The following MYO9A variants were observed in gnomAD, a reference collection of about 807,000 sequenced individuals.
MYO9A encodes the protein myosin IXA.
A neutral mutation model predicts 293.3 loss-of-function variants in MYO9A; 103 were observed. The observed-to-expected ratio is 0.35, with a 90% confidence interval of 0.30 to 0.41. The LOEUF (loss-of-function observed/expected upper bound fraction) is 0.41, where lower values mean the gene tolerates loss of function less well. Among genes scored for constraint, MYO9A ranks in the 10% least tolerant of loss-of-function variants. MYO9A has a pLI of 1.00. For synonymous variants in MYO9A, 1,001 were observed against 1,035.7 expected, an observed-to-expected ratio of 0.97 and a Z score of 0.64; for missense variants, 2,685 against 3,033.0, an observed-to-expected ratio of 0.89 and a Z score of 2.69.
At chr15:72,062,298 C>T (rs1566997404) in intron 1 of MYO9A, among the ~76,000 whole-genome samples, 1 of 152,292 alleles carries the variant, frequency 6.6e-6, no homozygotes, top group African/African-American at 2.4e-5. Flanking sequence ...TGCCCAGACA[C>T]CAACGAACAC....
intron 19 of MYO9A, among the ~76,000 whole-genome samples, chr15:71,913,281 C>A (rs2057913836): frequency 6.6e-6 from 1 of 151,896 alleles, no homozygotes; most frequent in South Asian, 2.1e-4. Context: ...TCAAATATTA[C>A]ATATTTAATC....
At chr15:71,850,765 C>CAAAAAAAAAAAAAAA (rs780727961) in intron 37 of MYO9A, among the ~76,000 whole-genome samples, 14 of 44,124 alleles carry the variant, frequency 3.2e-4, no homozygotes, top group African/African-American at 6.0e-4. Flanking sequence ...AACTGTGTCT[C>CAAAAAAAAAAAAAAA]AAAAAAAAAA....
chr15:72,113,790 C>T (rs2080867984), intron 1 of MYO9A, among the ~76,000 whole-genome samples: 1 of 152,118 alleles, frequency 6.6e-6, no homozygotes, highest in African/African-American at 2.4e-5. Flanking sequence ...CCTAAGTACA[C>T]AGACTTGTTA....
At chr15:71,880,283 G>A in intron 29 of MYO9A, 52 bp downstream of exon 29, 2 of 1,446,204 alleles carry the variant, frequency 1.4e-6, no homozygotes, top group Non-Finnish European at 9.7e-7. Context: ...ATATACACAA[G>A]TATTCCATAC....
At chr15:72,039,309 A>C (rs2149552994) in intron 2 of MYO9A, among the ~76,000 whole-genome samples, 1 of 152,286 alleles carries the variant, frequency 6.6e-6, no homozygotes, top group South Asian at 2.1e-4. Flanking sequence ...AAGTTCACTG[A>C]TTTGAAGTTC....
At chr15:71,881,741 T>C (rs1437857727) in intron 28 of MYO9A, among the ~76,000 whole-genome samples, 2 of 152,232 alleles carry the variant, frequency 1.3e-5, no homozygotes, top group Admixed American at 1.3e-4. Flanking sequence ...TGTGTCATTA[T>C]GAAGCAAACA....
intron 3 of MYO9A, among the ~76,000 whole-genome samples, chr15:72,028,617 A>G (rs2077760010): frequency 6.6e-6 from 1 of 151,872 alleles, no homozygotes; most frequent in Non-Finnish European, 1.5e-5. Flanking sequence ...ACTGCACTCC[A>G]GCCTGGGCAA....
chr15:72,022,346 C>A (rs2077525713), intron 4 of MYO9A, among the ~76,000 whole-genome samples: 1 of 151,956 alleles, frequency 6.6e-6, no homozygotes, highest in Admixed American at 6.6e-5. Flanking sequence ...ATGGTGAAAC[C>A]CCGTCTCTAC....
intron 27 of MYO9A, among the ~76,000 whole-genome samples, chr15:71,886,828 A>G (rs2057035525): frequency 6.6e-6 from 1 of 152,028 alleles, no homozygotes; most frequent in South Asian, 2.1e-4. Flanking sequence ...TTATTTCCAG[A>G]TGTATGTTCT....
intron 33 of MYO9A, among the ~76,000 whole-genome samples, chr15:71,860,038 C>T (rs913556324): frequency 4.9e-4 from 74 of 152,224 alleles, no homozygotes; most frequent in African/African-American, 1.8e-3. Flanking sequence ...GCTTTTTGTT[C>T]TTTCAAAGCT....
At chr15:72,070,287 C>T (rs886466064) in intron 1 of MYO9A, among the ~76,000 whole-genome samples, 7 of 142,794 alleles carry the variant, frequency 4.9e-5, no homozygotes, top group African/African-American at 1.0e-4. Flanking sequence ...ACTAAAACTA[C>T]AAAAAAAAAA....
In MYO9A at chr15:71,904,911, A is replaced by G; in HGVS notation, c.2766+15T>C. On this transcript the variant is annotated intron_variant, in intron 20 of 41. Transcript: ENST00000356056. ...TAAGCTGAGATATGTGCTCTCATTT[A>G]TAGGACATTTTTACCTTTTCAGCAT... The G allele has an allele frequency of 6.3e-7, 1 of 1,584,558 alleles. No homozygotes were observed. The highest frequency in any genetic ancestry group is 8.6e-7 in the Non-Finnish European group (1 of 1,158,464).
chr15:71,953,009 A>G (rs2059088506), intron 14 of MYO9A, among the ~76,000 whole-genome samples: 1 of 152,214 alleles, frequency 6.6e-6, no homozygotes, highest in Non-Finnish European at 1.5e-5. Flanking sequence ...TAATACCATA[A>G]ATCATGTAAT....
intron 1 of MYO9A, among the ~76,000 whole-genome samples, chr15:72,108,244 A>G (rs1236692576): frequency 6.6e-6 from 1 of 152,224 alleles, no homozygotes; most frequent in African/African-American, 2.4e-5. Context: ...TCGAACTTAC[A>G]TCACTGATAG....
intron 8 of MYO9A, among the ~76,000 whole-genome samples, chr15:72,003,419 G>A (rs575469603): frequency 2.5e-4 from 38 of 152,014 alleles, no homozygotes; most frequent in Admixed American, 2.4e-3. Flanking sequence ...AAAGCAGGCC[G>A]GGCGCGGTGG....
rs747509787 is a variant in MYO9A at position 71,935,521 on chromosome 15, G to A, written c.2379-37C>T. Reference sequence around the variant, plus strand: ...ATAATTTGCTTTAGTTAATGAAGACGTCTCTAACACTATACTGCTTAAATA... The same window carrying A: ...ATAATTTGCTTTAGTTAATGAAGACATCTCTAACACTATACTGCTTAAATA... On this transcript the variant is annotated intron_variant, in intron 16 of 41. Transcript: ENST00000356056. 7.6e-6 allele frequency: 12 copies of A among 1,583,016 alleles called. 1 individual carries two copies. Among genetic ancestry groups the A allele is most frequent in the African/African-American group, 4.0e-5 (3 of 74,104 alleles).
chr15:71,959,703 G>A (rs2059281682), intron 14 of MYO9A, 198 bp downstream of exon 14: 1 of 575,904 alleles, frequency 1.7e-6, no homozygotes, highest in Non-Finnish European at 3.1e-6. Flanking sequence ...TTTAAAGGCA[G>A]TATAACTCTT....
rs368102003 is a variant in MYO9A, at chr15:71,878,240, A to G, written c.5740-9T>C. On this transcript the variant is annotated splice_polypyrimidine_tract_variant and intron_variant, in intron 30 of 41. Coordinates refer to ENST00000356056, the MANE Select transcript of MYO9A (RefSeq NM_006901.4). ...CTTTTCCCATCATCCATCTATAAGC[A>G]ATAAGAAAAGAAATGTATGGTTTTA... 10 of 1,512,288 alleles carry G rather than the reference A, an allele frequency of 6.6e-6. No individual in the cohort carries two copies. In the African/African-American group the frequency reaches 9.9e-5, roughly 15 times the overall value. The allele number at this position is 1,512,288 out of a possible 1,614,324, so 93.7% of individuals were successfully genotyped here.
intron 1 of MYO9A, among the ~76,000 whole-genome samples, chr15:72,087,567 G>C (rs977516535): frequency 6.6e-6 from 1 of 152,182 alleles, no homozygotes; most frequent in African/African-American, 2.4e-5. Flanking sequence ...CCAGGAACAA[G>C]TCCTGGTGCA....
Sources: gnomAD v4.1 joint callset for allele counts (sites outside exome capture counted in the v4.1 genomes callset) on GRCh38, gnomAD v4.1.1 for gene constraint, MANE v1.5 for transcripts, NCBI Gene and HGNC (gene_info 2026-07-23, HGNC 2026-07-21) for gene names.